DOCK2: variants seen among roughly 807,000 people sequenced by gnomAD.
The protein encoded by DOCK2 is dedicator of cytokinesis protein 2.
DOCK2 carries 87 observed loss-of-function variants against 248.9 expected under a neutral mutation model. That is an observed-to-expected ratio of 0.35 (90% CI 0.29 to 0.42). The LOEUF is 0.42. Ranked by LOEUF, DOCK2 falls within the 10% of genes least tolerant of loss-of-function variation. DOCK2 has a pLI of 1.00. For synonymous variants in DOCK2, 805 were observed against 821.6 expected, an observed-to-expected ratio of 0.98 and a Z score of 0.35; for missense variants, 1,747 against 2,300.2, an observed-to-expected ratio of 0.76 and a Z score of 4.92.
At chr5:169,891,990 C>T (rs547986413) in intron 27 of DOCK2, among the ~76,000 whole-genome samples, 3 of 139,736 alleles carry the variant, frequency 2.1e-5, no homozygotes, top group Admixed American at 7.3e-5. Context: ...TGCGAGATTC[C>T]GTCCCAAAAA....
At chr5:170,065,735 C>T (rs1177351840) in intron 44 of DOCK2, among the ~76,000 whole-genome samples, 1 of 152,126 alleles carries the variant, frequency 6.6e-6, no homozygotes, top group Non-Finnish European at 1.5e-5. Context: ...ATCACAAGAA[C>T]AGCATGGGAA....
At chr5:169,801,146 GTTTTT>G (rs60574755) in intron 25 of DOCK2, among the ~76,000 whole-genome samples, 842 of 75,726 alleles carry the variant, frequency 0.011, 13 homozygotes, top group Non-Finnish European at 0.015. Context: ...ATAGTTTTGG[GTTTTT>G]TTTTTTTTTT....
chr5:169,684,824 T>C (rs1328456369), intron 8 of DOCK2, among the ~76,000 whole-genome samples: 1 of 152,158 alleles, frequency 6.6e-6, no homozygotes, highest in Non-Finnish European at 1.5e-5. Context: ...TAATTTTTAA[T>C]TTTTTATAGA....
intron 46 of DOCK2, among the ~76,000 whole-genome samples, chr5:170,069,707 G>C (rs1757613708): frequency 6.6e-6 from 1 of 152,122 alleles, no homozygotes; most frequent in African/African-American, 2.4e-5. Context: ...TGTGTGGGTG[G>C]TTGTGAGTCA....
intron 47 of DOCK2, 97 bp from the exon 48 acceptor site, chr5:170,077,613 A>G (rs911242512): frequency 6.5e-7 from 1 of 1,546,740 alleles, no homozygotes; most frequent in South Asian, 1.2e-5. Flanking sequence ...TCAGCCCCAC[A>G]ACTCTGCCCT....
At chr5:169,646,249 G>A (rs1268130971) in intron 1 of DOCK2, among the ~76,000 whole-genome samples, 1 of 152,146 alleles carries the variant, frequency 6.6e-6, no homozygotes, top group Non-Finnish European at 1.5e-5. Context: ...TCAGGTGGTT[G>A]TAGATGCGTG....
intron 27 of DOCK2, among the ~76,000 whole-genome samples, chr5:169,972,622 A>AGAT (rs1395947040): frequency 8.0e-6 from 1 of 125,230 alleles, no homozygotes; most frequent in African/African-American, 2.9e-5. Context: ...ATAGATAGAT[A>AGAT]GATAGATGAT....
intron 39 of DOCK2, among the ~76,000 whole-genome samples, chr5:170,046,292 G>T (rs1000425779): frequency 2.0e-5 from 3 of 152,172 alleles, no homozygotes; most frequent in Non-Finnish European, 1.5e-5. Context: ...ACATTAAAAT[G>T]CTCCCCATCT....
intron 27 of DOCK2, among the ~76,000 whole-genome samples, chr5:169,857,177 T>G (rs1770937680): frequency 6.6e-6 from 1 of 152,230 alleles, no homozygotes; most frequent in African/African-American, 2.4e-5. Flanking sequence ...TCACATGTAA[T>G]AAATTCTGGC....
chr5:169,996,755 C>A (rs1754650959), intron 30 of DOCK2, among the ~76,000 whole-genome samples: 1 of 152,272 alleles, frequency 6.6e-6, no homozygotes, highest in African/African-American at 2.4e-5. Context: ...GGGAAGGCCC[C>A]CCACAAAAGG....
At chr5:169,887,604 C>T (rs1489259910) in intron 27 of DOCK2, among the ~76,000 whole-genome samples, 3 of 152,162 alleles carry the variant, frequency 2.0e-5, no homozygotes, top group African/African-American at 7.2e-5. Context: ...TCTAGTTATA[C>T]AATTATCTAT....
Position 169,689,298 on chromosome 5 carries a change from A to G in DOCK2, c.808A>G (p.Ile270Val), listed in dbSNP as rs1185506915. 6.2e-7 allele frequency: 1 copy of G among 1,614,052 alleles called. No homozygotes were observed. ...GGGCAGCCGGGGCTTCCCTAAGGAG[A>G]TTGAGATGCTCAACAATCTGAAGGT... The part of the protein sequence containing the change: ...RWGSRGFPKE[I>V]EMLNNLKVVF... Residue 270 changes from isoleucine (I) to valine (V), a missense_variant, in exon 9 of 52, where the codon ATT becomes GTT. Physicochemically the swap from Ile to Val is conservative, Grantham distance 29. Around this residue, in one of 4 missense-constraint regions of DOCK2, gnomAD observed 375 missense variants for 510.9 expected, o/e 0.73. Coordinates refer to ENST00000520908, the MANE Select transcript of DOCK2 (RefSeq NM_004946.3).
chr5:169,736,471 AC>A (rs1383375861), intron 22 of DOCK2, among the ~76,000 whole-genome samples: 4 of 151,946 alleles, frequency 2.6e-5, no homozygotes, highest in Non-Finnish European at 5.9e-5. Context: ...CCTCTCCTAA[AC>A]CCTAGAAGTC....
chr5:169,967,196 T>G (rs761949053), intron 27 of DOCK2, among the ~76,000 whole-genome samples: 15 of 152,192 alleles, frequency 9.9e-5, no homozygotes, highest in Non-Finnish European at 1.9e-4. Context: ...GAAAGTGATA[T>G]GCACAGGGAC....
intron 6 of DOCK2, among the ~76,000 whole-genome samples, chr5:169,675,605 G>A (rs1372046690): frequency 6.6e-6 from 1 of 152,176 alleles, no homozygotes; most frequent in Admixed American, 6.5e-5. Flanking sequence ...CGACCCCTGA[G>A]CTGAAGTTTG....
intron 27 of DOCK2, chr5:169,934,567 A>T (rs1375750916): frequency 2.2e-6 from 1 of 451,048 alleles, no homozygotes; most frequent in Non-Finnish European, 4.5e-6. Flanking sequence ...ACACACCTGG[A>T]TCTAAATCCT....
At chr5:169,693,214 T>C (rs1760409179) in intron 9 of DOCK2, among the ~76,000 whole-genome samples, 1 of 152,044 alleles carries the variant, frequency 6.6e-6, no homozygotes, top group Admixed American at 6.5e-5. Context: ...GATGTGGATA[T>C]GTAGAGGAGG....
chr5:169,955,777 C>A (rs761334998), intron 27 of DOCK2, among the ~76,000 whole-genome samples: 4 of 152,174 alleles, frequency 2.6e-5, no homozygotes, highest in Non-Finnish European at 5.9e-5. Flanking sequence ...TCCTGCCTCC[C>A]AGGGCTTTAG....
At chr5:169,938,826 C>T (rs1486909236) in intron 27 of DOCK2, among the ~76,000 whole-genome samples, 2 of 152,160 alleles carry the variant, frequency 1.3e-5, no homozygotes, top group Admixed American at 6.5e-5. Flanking sequence ...TAGCTTAAAA[C>T]ACAAATATTG....
Sources: allele counts gnomAD v4.1 joint callset (sites outside exome capture counted in the v4.1 genomes callset), GRCh38; gene constraint gnomAD v4.1.1; regional missense constraint gnomAD v4.1.1; transcripts MANE v1.5; gene names NCBI Gene and HGNC (gene_info 2026-07-23, HGNC 2026-07-21).